RORA: variants seen among roughly 807,000 people sequenced by gnomAD.
The protein encoded by RORA is RAR related orphan receptor A.
RORA carries 7 observed loss-of-function variants against 69.5 expected under a neutral mutation model. The observed-to-expected ratio is 0.10, with a 90% CI of 0.06 to 0.19. The LOEUF (loss-of-function observed/expected upper bound fraction) is 0.19, where lower values mean the gene tolerates loss of function less well. RORA is among the 10% of genes least tolerant of loss of function. The pLI, the probability that RORA is intolerant of heterozygous loss-of-function variation, is 1.00. For synonymous variants in RORA, 261 were observed against 240.8 expected, an observed-to-expected ratio of 1.08 and a Z score of -0.78; for missense variants, 457 against 663.0, an observed-to-expected ratio of 0.69 and a Z score of 3.41.
At chr15:60,928,888 T>G (rs1892291980) in intron 1 of RORA, among the ~76,000 whole-genome samples, 2 of 152,354 alleles carry the variant, frequency 1.3e-5, no homozygotes, top group East Asian at 3.9e-4. Flanking sequence ...GGTGTACAGC[T>G]AATCATCCCC....
chr15:61,124,587 A>G (rs558525056), intron 1 of RORA, among the ~76,000 whole-genome samples: 6 of 152,362 alleles, frequency 3.9e-5, no homozygotes, highest in Non-Finnish European at 8.8e-5. Context: ...ATTCTTTAAA[A>G]GCAATGCCTT....
chr15:60,749,133 G>C (rs1567177605), intron 1 of RORA, among the ~76,000 whole-genome samples: 2 of 152,132 alleles, frequency 1.3e-5, no homozygotes, highest in Admixed American at 1.3e-4. Context: ...ATGGAATTTT[G>C]AGAAACATGG....
At chr15:60,942,755 T>C (rs779316322) in intron 1 of RORA, among the ~76,000 whole-genome samples, 4 of 152,248 alleles carry the variant, frequency 2.6e-5, no homozygotes, top group Non-Finnish European at 5.9e-5. Flanking sequence ...TCTTTAGGTT[T>C]ATGTGCAAAA....
chr15:60,516,295 C>T (rs531099752), intron 3 of RORA, among the ~76,000 whole-genome samples: 17 of 118,298 alleles, frequency 1.4e-4, no homozygotes, highest in African/African-American at 5.2e-4. Flanking sequence ...ATGGGGGTCT[C>T]GCTGTGTTGT....
chr15:60,794,053 C>T (rs11631297), intron 1 of RORA, among the ~76,000 whole-genome samples: 19 of 152,084 alleles, frequency 1.2e-4, no homozygotes, highest in Admixed American at 2.6e-4. Context: ...TCTTTGGCAG[C>T]CTTTTTACAA....
chr15:60,518,667 C>G (rs1418342039), intron 3 of RORA, among the ~76,000 whole-genome samples: 1 of 152,244 alleles, frequency 6.6e-6, no homozygotes, highest in African/African-American at 2.4e-5. Context: ...CAGCCCCTAC[C>G]TCCTAGCGCC....
chr15:61,122,177 G>A (rs934736646), intron 1 of RORA, among the ~76,000 whole-genome samples: 8 of 152,264 alleles, frequency 5.3e-5, no homozygotes, highest in African/African-American at 1.9e-4. Context: ...CTTAAGCCAG[G>A]CTCTGCTGTT....
rs935742743 is a variant in RORA at position 60,583,175 on chromosome 15, T to C, written c.197-51324A>G. Among the ~76,000 whole-genome samples, 5 of 152,202 alleles carry C rather than the reference T, an allele frequency of 3.3e-5. No individual in the cohort carries two copies. The East Asian group carries it at 9.6e-4, about 29-fold the overall frequency. On this transcript the variant is annotated intron_variant, in intron 2 of 10. Transcript: ENST00000335670. ...TTCTCCACACCAGCCAGAGGAAGTC[T>C]ACTTTCATCTATCCCACCAGACTAG...
chr15:60,784,444 A>G (rs2072308112), intron 1 of RORA, among the ~76,000 whole-genome samples: 1 of 152,180 alleles, frequency 6.6e-6, no homozygotes, highest in African/African-American at 2.4e-5. Context: ...CTGGCATTTC[A>G]AACTGTGCTG....
At position 60,739,846 on chromosome 15, in the gene RORA, A is replaced by G. The variant is rs2071550629; in HGVS notation, c.167-61160T>C. Among the ~76,000 whole-genome samples the G allele has an allele frequency of 3.3e-5, 5 of 152,288 alleles. No homozygotes were observed. In the South Asian group the frequency reaches 1.0e-3, roughly 32 times the overall value. On this transcript the variant is annotated intron_variant, in intron 1 of 10. Coordinates refer to ENST00000335670, the MANE Select transcript of RORA (RefSeq NM_134261.3). ...CTTTTTTTAAAGAAATCTGATTTTC[A>G]TGGAGGCCTTGTACTTCTCGTGCTC...
At chr15:60,863,358 T>A (rs1336151096) in intron 1 of RORA, among the ~76,000 whole-genome samples, 2 of 152,208 alleles carry the variant, frequency 1.3e-5, no homozygotes, top group Non-Finnish European at 2.9e-5. Flanking sequence ...AAAAATTCAT[T>A]CCCGAAGACA....
intron 1 of RORA, among the ~76,000 whole-genome samples, chr15:60,937,720 T>A (rs79441451): frequency 0.043 from 6,547 of 152,268 alleles, 185 homozygotes; most frequent in Non-Finnish European, 0.062. Flanking sequence ...CAGCTCCAAC[T>A]ACTGTTACAG....
At chr15:61,099,917 A>T (rs928806648) in intron 1 of RORA, among the ~76,000 whole-genome samples, 1 of 152,202 alleles carries the variant, frequency 6.6e-6, no homozygotes, top group Non-Finnish European at 1.5e-5. Flanking sequence ...GTTAGTGAAG[A>T]CAGTTCTAAA....
chr15:60,956,074 T>A (rs1893260000), intron 1 of RORA, among the ~76,000 whole-genome samples: 1 of 152,198 alleles, frequency 6.6e-6, no homozygotes, highest in African/African-American at 2.4e-5. Flanking sequence ...ACCAGCCTGT[T>A]TGTAACAAAA....
intron 1 of RORA, among the ~76,000 whole-genome samples, chr15:60,838,041 T>C (rs1256176731): frequency 1.3e-5 from 2 of 152,228 alleles, no homozygotes; most frequent in East Asian, 1.9e-4. Flanking sequence ...TAGTGGACCA[T>C]CCAGATCCTT....
intron 1 of RORA, among the ~76,000 whole-genome samples, chr15:61,045,424 G>A (rs1045559668): frequency 9.9e-5 from 15 of 152,180 alleles, no homozygotes; most frequent in African/African-American, 2.2e-4. Context: ...ACAGACCTCC[G>A]GCTGAATGTT....
chr15:60,751,674 G>T (rs189014376), intron 1 of RORA, among the ~76,000 whole-genome samples: 104 of 152,272 alleles, frequency 6.8e-4, no homozygotes, highest in African/African-American at 2.4e-3. Context: ...ACCACTGCGG[G>T]CCTGGCTTTC....
At position 61,065,262 on chromosome 15, in the gene RORA, C is replaced by T. The variant is rs367662633; in HGVS notation, c.166+163791G>A. The stretch of plus-strand genomic sequence containing the variant: ...GTTTGTAACTGTTTTATTTAGACTA[C>T]GTGCTCCTTGAAGGTGGGGGCCATA... On this transcript the variant is annotated intron_variant, in intron 1 of 10. Coordinates refer to ENST00000335670, the MANE Select transcript of RORA (RefSeq NM_134261.3). Among the ~76,000 whole-genome samples, 11 of 152,306 alleles carry T rather than the reference C, an allele frequency of 7.2e-5. No individual in the cohort carries two copies. The East Asian group carries it at 1.5e-3, about 21-fold the overall frequency.
In RORA at chr15:60,530,522, A is replaced by G. The variant is rs2066496369; in HGVS notation, c.282+1244T>C. On this transcript the variant is annotated intron_variant, in intron 3 of 10. Coordinates refer to ENST00000335670, the MANE Select transcript of RORA (RefSeq NM_134261.3). ...TTGAGGGAGGGCAGATTTTGGAAGTAAAGGGCATAGATGGTTCTGTAGTAT... is the reference window on the plus strand; with the variant it reads ...TTGAGGGAGGGCAGATTTTGGAAGTGAAGGGCATAGATGGTTCTGTAGTAT... 3.3e-5 allele frequency: 5 copies of G among 152,216 alleles called. No individual in the cohort carries two copies. The South Asian group carries it at 1.0e-3, about 32-fold the overall frequency. The allele number at this position is 152,216 out of a possible 1,614,324, so 9.4% of individuals were successfully genotyped here. A position where few individuals can be genotyped will look rare whatever the true frequency, so the allele number is the denominator to read the frequency against.
Sources: gnomAD v4.1 joint callset for allele counts (sites outside exome capture counted in the v4.1 genomes callset) on GRCh38, gnomAD v4.1.1 for gene constraint, MANE v1.5 for transcripts, NCBI Gene and HGNC (gene_info 2026-07-23, HGNC 2026-07-21) for gene names.